Variants in CCDC171 observed in about 807,000 individuals in gnomAD.
CCDC171 encodes coiled-coil domain-containing protein 171.
CCDC171 carries 177 observed loss-of-function variants against 168.2 expected under a neutral mutation model. The observed-to-expected ratio is 1.05, with a 90% CI of 0.93 to 1.19. The LOEUF (loss-of-function observed/expected upper bound fraction) is 1.19, where lower values mean the gene tolerates loss of function less well. Among genes scored for constraint, CCDC171 ranks in the 50% most tolerant of loss-of-function variants. The pLI is 0.00. For synonymous variants in CCDC171, 687 were observed against 540.8 expected, an observed-to-expected ratio of 1.27 and a Z score of -3.75; for missense variants, 1,991 against 1,539.0, an observed-to-expected ratio of 1.29 and a Z score of -4.91.
intron 3 of CCDC171, 58 bp downstream of exon 3, chr9:15,571,817 A>T: frequency 6.8e-7 from 1 of 1,461,578 alleles, no homozygotes; most frequent in South Asian, 1.3e-5. Context: ...TTTTAGATTT[A>T]TTTCATATGA....
At chr9:16,078,608 A>G in the CCDC171 span, among the ~76,000 whole-genome samples, 2 of 152,194 alleles carry the variant, frequency 1.3e-5, no homozygotes, top group African/African-American at 4.8e-5. Context: ...CACTGTGCTA[A>G]ACAAATAGGA....
At chr9:15,900,340 C>T (rs941718283) in intron 24 of CCDC171, among the ~76,000 whole-genome samples, 41 of 152,260 alleles carry the variant, frequency 2.7e-4, no homozygotes, top group African/African-American at 8.4e-4. Flanking sequence ...GCTGAGTATG[C>T]CCTTTAGGGG....
At position 15,817,868 on chromosome 9, in the gene CCDC171, T is replaced by G. The variant is rs1339445314; in HGVS notation, c.3268-28834T>G. ...GTAGTGGTTCTCCCAGCACACAGCT[T>G]GAGATCTGAGAACGGGCAGACTGCC... On this transcript the variant is annotated intron_variant, in intron 21 of 25. Transcript: ENST00000380701. Among the ~76,000 whole-genome samples the G allele has an allele frequency of 4.2e-5, 5 of 118,052 alleles. 1 individual carries two copies. Among genetic ancestry groups the G allele is most frequent in the African/African-American group, 1.6e-4 (5 of 31,510 alleles). The allele number at this position is 118,052 out of a possible 152,430, so 77.4% of individuals were successfully genotyped here. A position where few individuals can be genotyped will look rare whatever the true frequency, so the allele number is the denominator to read the frequency against.
At chr9:15,857,627 T>A (rs1357659373) in intron 23 of CCDC171, among the ~76,000 whole-genome samples, 1 of 151,980 alleles carries the variant, frequency 6.6e-6, no homozygotes, top group African/African-American at 2.4e-5. Flanking sequence ...TTCACCATGT[T>A]GGCCAGGCTG....
At chr9:15,963,266 G>T (rs922545511) in intron 25 of CCDC171, among the ~76,000 whole-genome samples, 1 of 152,000 alleles carries the variant, frequency 6.6e-6, no homozygotes, top group Non-Finnish European at 1.5e-5. Flanking sequence ...CACCATCATG[G>T]CACATGTATA....
At chr9:15,716,999 CAA>C (rs750628659) in intron 11 of CCDC171, among the ~76,000 whole-genome samples, 20 of 151,488 alleles carry the variant, frequency 1.3e-4, no homozygotes, top group Non-Finnish European at 2.4e-4. Flanking sequence ...GTTACGTAGG[CAA>C]AAAAAACCAC....
chr9:15,909,441 G>T (rs1818144236), intron 24 of CCDC171, among the ~76,000 whole-genome samples: 1 of 151,776 alleles, frequency 6.6e-6, no homozygotes. Flanking sequence ...TAATTCCACT[G>T]GCAAAGCGAG....
At chr9:15,626,199 T>G (rs993391549) in intron 7 of CCDC171, among the ~76,000 whole-genome samples, 11 of 152,286 alleles carry the variant, frequency 7.2e-5, no homozygotes, top group Admixed American at 2.6e-4. Context: ...TGCTTATCAG[T>G]TTAAGGAGAT....
intron 23 of CCDC171, among the ~76,000 whole-genome samples, chr9:15,865,900 TATTCTC>T (rs1275541487): frequency 2.6e-5 from 4 of 151,682 alleles, no homozygotes; most frequent in Non-Finnish European, 5.9e-5. Flanking sequence ...TATAGATAGT[TATTCTC>T]ATATGTGGCA....
Position 15,602,153 on chromosome 9 carries a change from C to CT in CCDC171, c.675+7988dup, listed in dbSNP as rs200411984. ...GAACTCTGTTTCTCAATTTCTTGTC[C>CT]TTTTTTTAATTAACAAAAGAAAATA... is the stretch of plus-strand genomic sequence containing the variant. On this transcript the variant is annotated intron_variant, in intron 6 of 25. Transcript: ENST00000380701. Among the ~76,000 whole-genome samples, 62 of 152,052 alleles carry CT rather than the reference C, an allele frequency of 4.1e-4. No individual in the cohort carries two copies. The East Asian group carries it at 0.01, about 26-fold the overall frequency.
chr9:15,743,495 A>C (rs1046349368), intron 16 of CCDC171, among the ~76,000 whole-genome samples: 1 of 152,036 alleles, frequency 6.6e-6, no homozygotes, highest in Non-Finnish European at 1.5e-5. Context: ...TCTTTCTTTC[A>C]AGATTCCTTA....
At chr9:15,768,741 A>G (rs1588392305) in intron 18 of CCDC171, among the ~76,000 whole-genome samples, 1 of 152,150 alleles carries the variant, frequency 6.6e-6, no homozygotes, top group Admixed American at 6.5e-5. Context: ...ACATTATTTT[A>G]ATTATTCTTT....
chr9:15,988,382 GA>G (rs1422415979), intron 3 of CCDC171, among the ~76,000 whole-genome samples: 1 of 152,162 alleles, frequency 6.6e-6, no homozygotes, highest in Non-Finnish European at 1.5e-5. Flanking sequence ...ATTTCCTCCA[GA>G]ATCATTTGTC....
At chr9:15,608,094 T>A (rs1244021183) in intron 6 of CCDC171, among the ~76,000 whole-genome samples, 2 of 152,094 alleles carry the variant, frequency 1.3e-5, no homozygotes, top group East Asian at 3.9e-4. Context: ...GGTCTCTCTT[T>A]CTCTTCTTGT....
intron 3 of CCDC171, among the ~76,000 whole-genome samples, chr9:15,993,897 A>G (rs528270100): frequency 2.0e-5 from 3 of 152,222 alleles, no homozygotes; most frequent in Non-Finnish European, 4.4e-5. Flanking sequence ...ATACCATCTT[A>G]CACCAGTTAG....
chr9:15,764,200 G>C (rs765265286), intron 18 of CCDC171, among the ~76,000 whole-genome samples: 11 of 152,216 alleles, frequency 7.2e-5, no homozygotes, highest in Non-Finnish European at 1.3e-4. Flanking sequence ...CCCACATTAT[G>C]CAAATCCTTG....
At chr9:15,811,511 T>A (rs910633791) in intron 21 of CCDC171, among the ~76,000 whole-genome samples, 3 of 152,198 alleles carry the variant, frequency 2.0e-5, no homozygotes, top group African/African-American at 4.8e-5. Flanking sequence ...GAGACTGTTG[T>A]GTTAGGTATC....
chr9:15,908,649 TATA>T (rs1344812496), intron 24 of CCDC171, among the ~76,000 whole-genome samples: 2 of 151,758 alleles, frequency 1.3e-5, no homozygotes, highest in East Asian at 3.9e-4. Flanking sequence ...AAAGTTAAAG[TATA>T]AAAAAAAAGA....
chr9:15,687,644 A>T (rs2050492078), intron 10 of CCDC171, among the ~76,000 whole-genome samples: 1 of 152,338 alleles, frequency 6.6e-6, no homozygotes, highest in South Asian at 2.1e-4. Context: ...AGCTACACTC[A>T]TCAAAAAAGG....
Sources: gnomAD v4.1 joint callset for allele counts (sites outside exome capture counted in the v4.1 genomes callset) on GRCh38, gnomAD v4.1.1 for gene constraint, MANE v1.5 for transcripts, NCBI Gene and HGNC (gene_info 2026-07-23, HGNC 2026-07-21) for gene names.